Variants in ALDH1L2 observed in about 807,000 individuals in gnomAD.
ALDH1L2 encodes the protein aldehyde dehydrogenase 1 family member L2.
Under a neutral mutation model 111.0 loss-of-function variants are expected in ALDH1L2, and 91 were observed. The observed-to-expected ratio is 0.82, with a 90% CI of 0.69 to 0.98. The LOEUF (loss-of-function observed/expected upper bound fraction) is 0.98. ALDH1L2 is among the 50% of genes least tolerant of loss of function. ALDH1L2 has a pLI of 0.00. For missense variants in ALDH1L2, 995 were observed against 1,126.8 expected (o/e 0.88, Z 1.67); for synonymous variants, 374 against 392.6 (o/e 0.95, Z 0.56).
At position 105,052,256 on chromosome 12, in the gene ALDH1L2, A is replaced by G. The variant is rs201448436; in HGVS notation, c.1408-39T>C. ...AGTAAAAATAGGCCCCATGAGAGAT[A>G]TGAAAATATGGTTCTTGGAATTAAT... On this transcript the variant is annotated intron_variant, in intron 11 of 22. Transcript: ENST00000258494. 9.4e-4 allele frequency: 1,426 copies of G among 1,520,360 alleles called. 24 individuals are homozygous for G. The highest frequency in any genetic ancestry group is 8.8e-4 in the Middle Eastern group (5 of 5,700). The allele number at this position is 1,520,360 out of a possible 1,614,324, so 94.2% of individuals were successfully genotyped here.
At chr12:105,043,270 AT>A (rs1331322691) in intron 15 of ALDH1L2, among the ~76,000 whole-genome samples, 21 of 152,198 alleles carry the variant, frequency 1.4e-4, no homozygotes, top group Non-Finnish European at 2.9e-5. Flanking sequence ...TTCACAGGCT[AT>A]GTTGTTATTT....
intron 22 of ALDH1L2, 84 bp downstream of exon 22, chr12:105,026,461 T>G: frequency 6.6e-7 from 1 of 1,513,914 alleles, no homozygotes; most frequent in South Asian, 1.2e-5. Flanking sequence ...CCCCTCAAAG[T>G]CACACACAAG....
chr12:105,045,451 A>G (rs1373838989), intron 15 of ALDH1L2, among the ~76,000 whole-genome samples: 2 of 150,768 alleles, frequency 1.3e-5, no homozygotes, highest in East Asian at 1.9e-4. Context: ...TACTATATAT[A>G]TCTACATATA....
At chr12:105,080,505 T>G (rs1476796215) in intron 1 of ALDH1L2, among the ~76,000 whole-genome samples, 1 of 152,200 alleles carries the variant, frequency 6.6e-6, no homozygotes, top group African/African-American at 2.4e-5. Context: ...GACTATTTCT[T>G]TCTTGTTTAT....
Position 105,065,359 on chromosome 12 carries a change from A to T in ALDH1L2, c.697-3T>A, listed in dbSNP as rs751767379. 4 of 1,609,342 alleles carry T rather than the reference A, an allele frequency of 2.5e-6. No homozygotes were observed. Among genetic ancestry groups the T allele is most frequent in the Non-Finnish European group, 3.4e-6 (4 of 1,176,582 alleles). On this transcript the variant is annotated splice_polypyrimidine_tract_variant and splice_region_variant and intron_variant, in intron 5 of 22. Coordinates refer to ENST00000258494, the MANE Select transcript of ALDH1L2 (RefSeq NM_001034173.4). ...TCGGCAGACTGGTCCCAAGAAATCT[A>T]GGAAGGCACAAAATACAGGCTGAGC...
chr12:105,068,695 T>C (rs1364448272), intron 4 of ALDH1L2, 24 bp downstream of exon 4: 1 of 1,431,498 alleles, frequency 7.0e-7, no homozygotes, highest in East Asian at 2.6e-5. Flanking sequence ...GTTTACTAAA[T>C]TCTGGGTGGC....
At chr12:105,059,772 T>G (rs1262785042) in intron 9 of ALDH1L2, among the ~76,000 whole-genome samples, 1 of 152,228 alleles carries the variant, frequency 6.6e-6, no homozygotes, top group South Asian at 2.1e-4. Context: ...AGTGAGTAGA[T>G]AGAATATTCA....
intron 9 of ALDH1L2, 97 bp downstream of exon 9, chr12:105,060,884 T>A: frequency 7.1e-5 from 48 of 676,378 alleles, no homozygotes; most frequent in Non-Finnish European, 1.0e-4. Flanking sequence ...GGTAATCACA[T>A]CCAGAACAAA....
At chr12:105,042,274 G>C (rs4964320) in intron 15 of ALDH1L2, among the ~76,000 whole-genome samples, 54,668 of 151,914 alleles carry the variant, frequency 0.36, 10,024 homozygotes, top group South Asian at 0.51. Context: ...GAGAGACATG[G>C]CTCCCATTAT....
intron 15 of ALDH1L2, 142 bp downstream of exon 15, chr12:105,046,568 G>A (rs1875930600): frequency 1.5e-6 from 1 of 660,786 alleles, no homozygotes; most frequent in African/African-American, 1.8e-5. Flanking sequence ...AATATTTACT[G>A]ACATGAAAAG....
rs143438243 is a variant in ALDH1L2, at chr12:105,061,157, C to G, written c.1048-85G>C. On this transcript the variant is annotated intron_variant, in intron 8 of 22. Transcript: ENST00000258494. The stretch of plus-strand genomic sequence containing the variant: ...GGGCTAGCTCTTCACCAAACCAATT[C>G]CCTCTTCATCTTGTACACTCAGCTG... 294 of 1,134,558 alleles carry G rather than the reference C, an allele frequency of 2.6e-4. 2 individuals carry two copies. In the East Asian group the frequency reaches 6.7e-3, roughly 26 times the overall value. 70.3% of individuals were successfully genotyped at this position (1,134,558 alleles called of 1,614,324 possible).
chr12:105,025,967 T>C (rs1874386775), intron 22 of ALDH1L2, among the ~76,000 whole-genome samples: 1 of 152,220 alleles, frequency 6.6e-6, no homozygotes, highest in South Asian at 2.1e-4. Flanking sequence ...GGGCCTGGCA[T>C]GTGTTTCGCA....
intron 6 of ALDH1L2, 37 bp downstream of exon 6, chr12:105,065,230 G>T: frequency 1.4e-5 from 16 of 1,181,716 alleles, no homozygotes; most frequent in Non-Finnish European, 1.7e-5. Context: ...GGTAATAATC[G>T]GGGAGGGGGG....
intron 17 of ALDH1L2, among the ~76,000 whole-genome samples, chr12:105,039,156 C>T (rs1467787314): frequency 1.3e-5 from 2 of 152,154 alleles, no homozygotes; most frequent in South Asian, 2.1e-4. Flanking sequence ...TGAGATCATC[C>T]AGTGTATACA....
chr12:105,050,695 G>T (rs1276514916), intron 12 of ALDH1L2: 2 of 453,536 alleles, frequency 4.4e-6, no homozygotes, highest in Admixed American at 4.7e-5. Flanking sequence ...GCTTGTATTA[G>T]TTCATTCTCA....
intron 12 of ALDH1L2, among the ~76,000 whole-genome samples, chr12:105,051,150 A>G (rs1331819868): frequency 6.6e-6 from 1 of 152,190 alleles, no homozygotes; most frequent in Non-Finnish European, 1.5e-5. Flanking sequence ...TTTTAAAACA[A>G]CAGGGTACTG....
intron 12 of ALDH1L2, 30 bp from the exon 13 acceptor site, chr12:105,050,088 A>G: frequency 1.9e-6 from 3 of 1,544,918 alleles, no homozygotes; most frequent in Non-Finnish European, 2.6e-6. Context: ...AATAAATTCA[A>G]CAAGTATTGA....
At chr12:105,030,629 G>A (rs1035815599) in intron 20 of ALDH1L2, among the ~76,000 whole-genome samples, 200 bp from the exon 21 acceptor site, 1 of 152,084 alleles carries the variant, frequency 6.6e-6, no homozygotes, top group African/African-American at 2.4e-5. Flanking sequence ...TCAAACCTAT[G>A]TAAAGGTAGA....
At chr12:105,074,036 G>C (rs757378964) in intron 1 of ALDH1L2, 31 bp from the exon 2 acceptor site, 1 of 1,613,490 alleles carries the variant, frequency 6.2e-7, no homozygotes, top group South Asian at 1.1e-5. Flanking sequence ...GAAGACATAA[G>C]CATGGATAGA....
Sources: allele counts gnomAD v4.1 joint callset (sites outside exome capture counted in the v4.1 genomes callset), GRCh38; gene constraint gnomAD v4.1.1; transcripts MANE v1.5; gene names NCBI Gene and HGNC (gene_info 2026-07-23, HGNC 2026-07-21).